MBTPS1: variants seen among roughly 807,000 people sequenced by gnomAD.
MBTPS1 encodes the protein membrane bound transcription factor peptidase, site 1.
MBTPS1 carries 94 observed loss-of-function variants against 127.8 expected under a neutral mutation model. The observed-to-expected ratio is 0.74, with a 90% confidence interval of 0.62 to 0.87. The LOEUF (loss-of-function observed/expected upper bound fraction) is 0.87, where lower values mean the gene tolerates loss of function less well. Ranked by LOEUF, MBTPS1 falls within the 40% of genes least tolerant of loss-of-function variation. MBTPS1 has a pLI of 0.00. For synonymous variants in MBTPS1, 632 were observed against 509.4 expected (o/e 1.24, Z -3.24); for missense variants, 1,636 against 1,353.2 (o/e 1.21, Z -3.28).
chr16:84,099,847 G>C (rs962694638), intron 2 of MBTPS1, among the ~76,000 whole-genome samples: 1 of 151,298 alleles, frequency 6.6e-6, no homozygotes, highest in Non-Finnish European at 1.5e-5. Flanking sequence ...CCAGATACCC[G>C]TGATATTTTT....
At chr16:84,056,801 G>C (rs888728864) in intron 21 of MBTPS1, 6 of 152,176 alleles carry the variant, frequency 3.9e-5, no homozygotes. Flanking sequence ...TTAACTCTGG[G>C]ATCTGAAAAA....
chr16:84,110,174 C>A (rs969365451), intron 1 of MBTPS1, among the ~76,000 whole-genome samples: 2 of 152,208 alleles, frequency 1.3e-5, no homozygotes, highest in South Asian at 4.1e-4. Flanking sequence ...AACCAGACCA[C>A]ACACGTCAGA....
At chr16:84,072,548 T>G (rs1050396859) in intron 12 of MBTPS1, among the ~76,000 whole-genome samples, 8 of 152,026 alleles carry the variant, frequency 5.3e-5, no homozygotes, top group African/African-American at 1.4e-4. Context: ...TCCCAGCACT[T>G]TGGGAGGGCA....
chr16:84,081,018 T>C (rs1254482333), intron 11 of MBTPS1, among the ~76,000 whole-genome samples: 2 of 152,204 alleles, frequency 1.3e-5, no homozygotes, highest in Non-Finnish European at 2.9e-5. Context: ...TGAAATCCAA[T>C]GTGGGATCCT....
intron 1 of MBTPS1, among the ~76,000 whole-genome samples, 152 bp downstream of exon 1, chr16:84,116,583 C>T (rs1295752084): frequency 5.3e-5 from 8 of 152,182 alleles, no homozygotes; most frequent in African/African-American, 1.9e-4. Flanking sequence ...TCCAAACAAG[C>T]GCCGGAGGCC....
chr16:84,069,388 T>C (rs947025417), intron 14 of MBTPS1, among the ~76,000 whole-genome samples: 14 of 152,102 alleles, frequency 9.2e-5, no homozygotes, highest in African/African-American at 3.4e-4. Context: ...GAATAGGCAG[T>C]CACTGGAGAG....
At chr16:84,074,044 T>G (rs556992641) in intron 12 of MBTPS1, among the ~76,000 whole-genome samples, 1 of 152,212 alleles carries the variant, frequency 6.6e-6, no homozygotes, top group African/African-American at 2.4e-5. Context: ...AACTGGGCCT[T>G]TAATTATAGG....
Position 84,059,330 on chromosome 16 carries a change from G to A in MBTPS1, c.2803C>T (p.Pro935Ser). The A allele has an allele frequency of 1.2e-6, 2 of 1,614,090 alleles. No individual in the cohort carries two copies. The highest frequency in any genetic ancestry group is 1.7e-6 in the Non-Finnish European group (2 of 1,179,956). ...PACPRLSWAK[P>S]QPLNETAPSN... ...GGCGCCGTCTCGTTTAAAGGCTGTG[G>A]CTTGGCCCAAGACAAGCGTGGACAG... Residue 935 changes from proline (P) to serine (S), a missense_variant, in exon 21 of 23, where the codon CCA (proline) becomes TCA (serine). By Grantham distance (74) the Pro-to-Ser change is moderately conservative. Transcript: ENST00000343411.
intron 9 of MBTPS1, among the ~76,000 whole-genome samples, chr16:84,085,548 C>T (rs1309590115): frequency 6.7e-6 from 1 of 148,572 alleles, no homozygotes; most frequent in Non-Finnish European, 1.5e-5. Flanking sequence ...CAGTGAGATC[C>T]TGTCCCCCTC....
chr16:84,107,951 CT>C (rs2086347191), intron 1 of MBTPS1, among the ~76,000 whole-genome samples: 1 of 150,880 alleles, frequency 6.6e-6, no homozygotes, highest in Non-Finnish European at 1.5e-5. Context: ...AGATATCCTC[CT>C]GCCTCAGCCT....
At chr16:84,057,928 T>A (rs2085544683) in intron 21 of MBTPS1, 2 of 152,214 alleles carry the variant, frequency 1.3e-5, no homozygotes, top group African/African-American at 2.4e-5. Flanking sequence ...TGAACAACAC[T>A]GTGGAGAATA....
intron 3 of MBTPS1, among the ~76,000 whole-genome samples, chr16:84,097,848 G>GTGTA (rs2086197967): frequency 2.6e-5 from 4 of 151,164 alleles, no homozygotes; most frequent in Admixed American, 2.6e-4. Flanking sequence ...GTGTGTGTGT[G>GTGTA]TGTGTGTGTG....
intron 12 of MBTPS1, among the ~76,000 whole-genome samples, chr16:84,071,135 A>G (rs1328561370): frequency 6.6e-6 from 1 of 152,228 alleles, no homozygotes; most frequent in Admixed American, 6.5e-5. Flanking sequence ...TTATTTCCCA[A>G]TTAGTTGTAT....
At chr16:84,082,965 T>C (rs1032893487) in intron 10 of MBTPS1, among the ~76,000 whole-genome samples, 1 of 152,178 alleles carries the variant, frequency 6.6e-6, no homozygotes, top group African/African-American at 2.4e-5. Context: ...GGCAGTTTCA[T>C]CTGCTGCAGG....
chr16:84,079,236 G>C (rs938518519), intron 11 of MBTPS1, among the ~76,000 whole-genome samples: 1 of 152,206 alleles, frequency 6.6e-6, no homozygotes, highest in African/African-American at 2.4e-5. Context: ...TATGCTTCCT[G>C]TACAGCCTGC....
Position 84,068,444 on chromosome 16 carries a change from G to C in MBTPS1, c.1966C>G (p.His656Asp). 1 of 1,606,534 alleles carries C rather than the reference G, an allele frequency of 6.2e-7. No homozygotes were observed. The highest frequency in any genetic ancestry group is 8.5e-7 in the Non-Finnish European group (1 of 1,173,018). Reference protein sequence around the residue: ...KNDPLDWNGDHIHTNFRDMYQ... With the variant: ...KNDPLDWNGDDIHTNFRDMYQ... The stretch of plus-strand genomic sequence containing the variant: ...ATATCCCTGAAATTGGTGTGGATGT[G>C]ATCACCATTCCTGAAAAACAATAGG... The change falls in exon 15 of 23, where the codon CAC becomes GAC. Residue 656 changes from histidine to aspartate, a missense_variant. By Grantham distance (81) the His-to-Asp change is moderately conservative (BLOSUM62 -1). Transcript: ENST00000343411.
chr16:84,067,467 CTCAGCCTTCCAAAG>C (rs1180428450), intron 16 of MBTPS1, among the ~76,000 whole-genome samples, 186 bp downstream of exon 16: 1 of 152,206 alleles, frequency 6.6e-6, no homozygotes, highest in African/African-American at 2.4e-5. Context: ...ATCTGCCCAA[CTCAGCCTTCCAAAG>C]TGCTGGGATT....
At chr16:84,054,675 G>A (rs1317733597) in intron 22 of MBTPS1, 30 bp from the exon 23 acceptor site, 2 of 1,524,886 alleles carry the variant, frequency 1.3e-6, no homozygotes, top group Non-Finnish European at 1.8e-6. Context: ...TGAACAGGCA[G>A]GAACGCCACA....
chr16:84,108,111 C>T (rs942420621), intron 1 of MBTPS1, among the ~76,000 whole-genome samples: 2 of 152,002 alleles, frequency 1.3e-5, no homozygotes, highest in African/African-American at 2.4e-5. Context: ...TCAGCTGTGA[C>T]GAATGGTCCC....
Sources: gnomAD v4.1 joint callset for allele counts (sites outside exome capture counted in the v4.1 genomes callset) on GRCh38, gnomAD v4.1.1 for gene constraint, MANE v1.5 for transcripts, NCBI Gene and HGNC (gene_info 2026-07-23, HGNC 2026-07-21) for gene names.